The following MAP2 variants were observed in gnomAD, a reference collection of about 807,000 sequenced individuals.
MAP2 encodes the protein microtubule-associated protein 2.
Under a neutral mutation model 137.6 loss-of-function variants are expected in MAP2, and 14 were observed. The ratio of observed to expected loss-of-function variants is 0.10; its 90% confidence interval spans 0.07 to 0.16. The LOEUF is 0.16. Ranked by LOEUF, MAP2 falls within the 10% of genes least tolerant of loss-of-function variation. The pLI is 1.00. For missense variants in MAP2, 2,088 were observed against 2,191.5 expected (o/e 0.95, Z 0.94); for synonymous variants, 786 against 782.3 (o/e 1.00, Z -0.08).
Position 209,693,323 on chromosome 2 carries a change from T to C in MAP2, c.1153T>C (p.Ser385Pro). ...KPDKMAEAPP[S>P]EAMTLPKDAH... ...TGACAAAATGGCAGAAGCACCACCC[T>C]CAGAGGCAATGACCTTACCCAAAGA... Residue 385 changes from serine (S) to proline (P), a missense_variant, in exon 8 of 16, where the codon TCA becomes CCA. Transcript: ENST00000682079. 6.2e-7 allele frequency: 1 copy of C among 1,613,718 alleles called. No individual in the cohort carries two copies. Among genetic ancestry groups the C allele is most frequent in the Non-Finnish European group, 8.5e-7 (1 of 1,179,924 alleles).
At chr2:209,431,532 G>A (rs933361305) in intron 1 of MAP2, among the ~76,000 whole-genome samples, 2 of 152,096 alleles carry the variant, frequency 1.3e-5, no homozygotes, top group African/African-American at 2.4e-5. Context: ...ATGTTTGATG[G>A]GGAAAAGAGA....
chr2:209,440,632 A>G (rs892991720), intron 1 of MAP2, among the ~76,000 whole-genome samples: 1 of 151,564 alleles, frequency 6.6e-6, no homozygotes, highest in Non-Finnish European at 1.5e-5. Context: ...AAAGACTGCA[A>G]TAGTTGGAAT....
chr2:209,634,193 G>C (rs1264678016), intron 4 of MAP2, among the ~76,000 whole-genome samples: 1 of 152,138 alleles, frequency 6.6e-6, no homozygotes, highest in Non-Finnish European at 1.5e-5. Context: ...GATTTGCTGT[G>C]CAGGCAATAA....
chr2:209,460,077 A>G (rs183233283), intron 1 of MAP2, among the ~76,000 whole-genome samples: 20 of 152,326 alleles, frequency 1.3e-4, no homozygotes, highest in African/African-American at 4.1e-4. Context: ...TCAACTCAGC[A>G]CATAAATTAT....
intron 1 of MAP2, among the ~76,000 whole-genome samples, chr2:209,478,842 G>A (rs1171926018): frequency 6.6e-6 from 1 of 152,106 alleles, no homozygotes; most frequent in East Asian, 1.9e-4. Flanking sequence ...GAAGGAAATT[G>A]CCCGTATTTT....
At chr2:209,512,553 T>TTA (rs1439657347) in intron 2 of MAP2, among the ~76,000 whole-genome samples, 6 of 116,658 alleles carry the variant, frequency 5.1e-5, no homozygotes, top group Admixed American at 9.3e-5. Flanking sequence ...AAGCCAGAAG[T>TTA]TATACACACA....
chr2:209,489,586 A>G (rs922641601), intron 1 of MAP2, among the ~76,000 whole-genome samples: 1 of 152,204 alleles, frequency 6.6e-6, no homozygotes, highest in Non-Finnish European at 1.5e-5. Flanking sequence ...ACCAGTTTAG[A>G]GAAGAACAGA....
chr2:209,678,720 C>T (rs764312685), intron 6 of MAP2, 35 bp downstream of exon 6: 1 of 1,231,074 alleles, frequency 8.1e-7, no homozygotes, highest in Non-Finnish European at 1.2e-6. Flanking sequence ...GGGACTGTGT[C>T]TGTTGCACCC....
At chr2:209,721,209 T>C (rs2070729649) in intron 13 of MAP2, among the ~76,000 whole-genome samples, 1 of 152,164 alleles carries the variant, frequency 6.6e-6, no homozygotes, top group South Asian at 2.1e-4. Flanking sequence ...GCACTAAGTG[T>C]CCACTATCCA....
chr2:209,637,075 T>C (rs752320844), intron 4 of MAP2, among the ~76,000 whole-genome samples: 3 of 152,138 alleles, frequency 2.0e-5, no homozygotes, highest in Non-Finnish European at 4.4e-5. Context: ...CCTACCTGAA[T>C]AGTATTCTCT....
At chr2:209,619,260 T>G (rs1052885152) in intron 3 of MAP2, among the ~76,000 whole-genome samples, 1 of 152,102 alleles carries the variant, frequency 6.6e-6, no homozygotes, top group African/African-American at 2.4e-5. Flanking sequence ...CTGAAAAATG[T>G]TAACAGAATA....
intron 3 of MAP2, among the ~76,000 whole-genome samples, chr2:209,596,301 T>C (rs1009998143): frequency 1.3e-5 from 2 of 152,194 alleles, no homozygotes; most frequent in South Asian, 4.1e-4. Context: ...TCTTTATTGA[T>C]AGCCTTTATT....
At chr2:209,596,189 A>G (rs1172970297) in intron 3 of MAP2, among the ~76,000 whole-genome samples, 1 of 152,226 alleles carries the variant, frequency 6.6e-6, no homozygotes, top group Non-Finnish European at 1.5e-5. Flanking sequence ...CTAAATGTAG[A>G]GAGAAAGCTA....
chr2:209,499,546 A>G (rs1049732225), intron 1 of MAP2, among the ~76,000 whole-genome samples: 1 of 152,104 alleles, frequency 6.6e-6, no homozygotes, highest in African/African-American at 2.4e-5. Context: ...CTTCAGTTCA[A>G]TGTATTAGGC....
chr2:209,446,463 G>T (rs1481663071), intron 1 of MAP2, among the ~76,000 whole-genome samples: 1 of 151,724 alleles, frequency 6.6e-6, no homozygotes, highest in East Asian at 1.9e-4. Context: ...TAGAATCACT[G>T]CATTAAATTA....
In MAP2 at chr2:209,729,931, C is replaced by G; in HGVS notation, c.5237C>G (p.Ala1746Gly). Residue 1746 changes from alanine to glycine, a missense_variant, in exon 15 of 16, where the codon GCT becomes GGT. By Grantham distance (60) the Ala-to-Gly change is moderately conservative. Coordinates refer to ENST00000682079, the MANE Select transcript of MAP2 (RefSeq NM_001375505.1). Reference sequence around the variant, plus strand: ...GCTAAAGTTGGTTCTCTTGATAATGCTCATCATGTACCTGGAGGTGGTAAT... The same window carrying G: ...GCTAAAGTTGGTTCTCTTGATAATGGTCATCATGTACCTGGAGGTGGTAAT... ...AQAKVGSLDN[A>G]HHVPGGGNVK... is the part of the protein sequence containing the mutation. 1 of 1,612,472 alleles carries G rather than the reference C, an allele frequency of 6.2e-7. No homozygotes were observed. The highest frequency in any genetic ancestry group is 8.5e-7 in the Non-Finnish European group (1 of 1,178,608).
intron 2 of MAP2, among the ~76,000 whole-genome samples, chr2:209,508,860 C>T (rs34117203): frequency 0.059 from 8,904 of 151,892 alleles, 298 homozygotes; most frequent in South Asian, 0.092. Flanking sequence ...TTATTCACTT[C>T]TGCATATGCT....
intron 1 of MAP2, among the ~76,000 whole-genome samples, chr2:209,490,914 A>G (rs563974626): frequency 1.3e-5 from 2 of 152,268 alleles, no homozygotes; most frequent in South Asian, 4.1e-4. Flanking sequence ...TAACAAGGAT[A>G]TTCAGGACTT....
intron 14 of MAP2, among the ~76,000 whole-genome samples, chr2:209,728,951 A>C (rs1447953408): frequency 2.0e-5 from 3 of 152,188 alleles, no homozygotes. Flanking sequence ...GTCCAATTTC[A>C]CTTTTTATCT....
Sources: allele counts gnomAD v4.1 joint callset (sites outside exome capture counted in the v4.1 genomes callset), GRCh38; gene constraint gnomAD v4.1.1; transcripts MANE v1.5; gene names NCBI Gene and HGNC (gene_info 2026-07-23, HGNC 2026-07-21).